Variants in EPHA3 observed in about 807,000 individuals in gnomAD.
EPHA3 encodes the protein EPH receptor A3, also known as ephrin type-A receptor 3.
A neutral mutation model predicts 107.1 loss-of-function variants in EPHA3; 42 were observed. The ratio of observed to expected loss-of-function variants is 0.39; its 90% CI spans 0.31 to 0.51. The LOEUF (loss-of-function observed/expected upper bound fraction) is 0.51, where lower values mean the gene tolerates loss of function less well. EPHA3 is among the 20% of genes least tolerant of loss of function. EPHA3 has a pLI of 0.78. For missense variants in EPHA3, 1,183 were observed against 1,211.2 expected (o/e 0.98, Z 0.35); for synonymous variants, 461 against 424.8 (o/e 1.09, Z -1.05).
chr3:89,453,006 A>G (rs1346611659), intron 15 of EPHA3, among the ~76,000 whole-genome samples: 3 of 152,132 alleles, frequency 2.0e-5, no homozygotes, highest in Non-Finnish European at 4.4e-5. Flanking sequence ...ATTTAGTAAT[A>G]AGTCCTTAAA....
intron 3 of EPHA3, among the ~76,000 whole-genome samples, chr3:89,312,901 TA>T (rs1352034454): frequency 6.6e-6 from 1 of 151,972 alleles, no homozygotes; most frequent in Non-Finnish European, 1.5e-5. Context: ...CATGTCCCTG[TA>T]AAGGACATAA....
At chr3:89,294,600 A>G (rs1039759212) in intron 3 of EPHA3, among the ~76,000 whole-genome samples, 3 of 152,156 alleles carry the variant, frequency 2.0e-5, no homozygotes, top group African/African-American at 7.2e-5. Flanking sequence ...TTCCTGTATA[A>G]TATTTAATCT....
At chr3:89,116,071 C>T (rs1707247051) in intron 1 of EPHA3, among the ~76,000 whole-genome samples, 1 of 152,052 alleles carries the variant, frequency 6.6e-6, no homozygotes, top group Non-Finnish European at 1.5e-5. Flanking sequence ...TGGGGGGGAC[C>T]CACTAAGAAA....
intron 3 of EPHA3, among the ~76,000 whole-genome samples, chr3:89,251,053 T>G (rs2107263053): frequency 6.6e-6 from 1 of 152,236 alleles, no homozygotes; most frequent in South Asian, 2.1e-4. Context: ...AAATAAAAGG[T>G]TTAGCCTTAG....
chr3:89,151,165 A>AAAATATCATAATTAGGTATATCTAATTAT (rs1387769308), intron 2 of EPHA3, among the ~76,000 whole-genome samples: 1 of 152,068 alleles, frequency 6.6e-6, no homozygotes, highest in African/African-American at 2.4e-5. Flanking sequence ...TAATTATCAT[A>AAAATATCATAATTAGGTATATCTAATTAT]CCTAAAATAT....
intron 3 of EPHA3, among the ~76,000 whole-genome samples, chr3:89,327,092 A>T (rs1261666626): frequency 6.6e-6 from 1 of 152,144 alleles, no homozygotes; most frequent in Non-Finnish European, 1.5e-5. Context: ...AAAGATGCCC[A>T]TGAAGTGCAC....
At chr3:89,175,850 G>A (rs1209434999) in intron 2 of EPHA3, among the ~76,000 whole-genome samples, 1 of 151,996 alleles carries the variant, frequency 6.6e-6, no homozygotes, top group Non-Finnish European at 1.5e-5. Flanking sequence ...GAGAGAGAAG[G>A]GCAAAAACAT....
chr3:89,241,339 G>A (rs556425545), intron 3 of EPHA3, among the ~76,000 whole-genome samples: 2 of 152,202 alleles, frequency 1.3e-5, no homozygotes, highest in South Asian at 4.2e-4. Context: ...TAAATATTAG[G>A]TATTTGAAAA....
chr3:89,259,026 C>T (rs1416462184), intron 3 of EPHA3, among the ~76,000 whole-genome samples: 2 of 152,076 alleles, frequency 1.3e-5, no homozygotes, highest in Admixed American at 6.5e-5. Flanking sequence ...TTCCATTTTT[C>T]TGGTCTTAAT....
chr3:89,358,478 C>G (rs1708014898), intron 5 of EPHA3, among the ~76,000 whole-genome samples: 1 of 151,100 alleles, frequency 6.6e-6, no homozygotes, highest in East Asian at 1.9e-4. Flanking sequence ...TATACTGGAT[C>G]TACTGGGATA....
intron 2 of EPHA3, among the ~76,000 whole-genome samples, chr3:89,196,624 C>G (rs1253195872): frequency 6.8e-6 from 1 of 148,124 alleles, no homozygotes; most frequent in Non-Finnish European, 1.5e-5. Flanking sequence ...ATCATTTCAC[C>G]TGCTCGGAAT....
intron 16 of EPHA3, among the ~76,000 whole-genome samples, chr3:89,474,354 A>G (rs1710465123): frequency 6.6e-6 from 1 of 152,056 alleles, no homozygotes; most frequent in Admixed American, 6.6e-5. Flanking sequence ...TTCTGACCCA[A>G]TCGACAGTAC....
Position 89,476,617 on chromosome 3 carries a change from A to T in EPHA3, c.2847-2780A>T, listed in dbSNP as rs112252173. 3.1e-3 allele frequency among the ~76,000 whole-genome samples: 455 copies of T among 145,468 alleles called. 2 individuals are homozygous for T. The highest frequency in any genetic ancestry group is 8.4e-3 in the African/African-American group (331 of 39,408). On this transcript the variant is annotated intron_variant, in intron 16 of 16. Transcript: ENST00000336596. ...TATTTATTTATTTATTTATTTATTT[A>T]ATTTTTTTGAGGCGGATTCTCGCTC...
At chr3:89,194,323 G>A (rs934687366) in intron 2 of EPHA3, among the ~76,000 whole-genome samples, 43 of 151,916 alleles carry the variant, frequency 2.8e-4, no homozygotes, top group Middle Eastern at 3.2e-3. Context: ...GGCAAATCTC[G>A]TATTAAGTAT....
chr3:89,350,971 G>A (rs183545289), intron 5 of EPHA3, among the ~76,000 whole-genome samples: 5,703 of 151,428 alleles, frequency 0.038, 413 homozygotes, highest in African/African-American at 0.13. Context: ...GCAGTCTGCC[G>A]GTTCTCAGAT....
At chr3:89,450,885 A>G (rs1426429009) in intron 15 of EPHA3, among the ~76,000 whole-genome samples, 1 of 152,158 alleles carries the variant, frequency 6.6e-6, no homozygotes, top group African/African-American at 2.4e-5. Context: ...CAGCCTGGTC[A>G]ACAGAGCGAG....
intron 3 of EPHA3, among the ~76,000 whole-genome samples, chr3:89,222,968 C>T (rs1459722281): frequency 6.6e-6 from 1 of 152,112 alleles, no homozygotes; most frequent in African/African-American, 2.4e-5. Context: ...TTATAGATTA[C>T]AAACTTTTGT....
intron 3 of EPHA3, among the ~76,000 whole-genome samples, chr3:89,236,926 A>G (rs1704778782): frequency 1.3e-5 from 2 of 152,230 alleles, no homozygotes; most frequent in Non-Finnish European, 2.9e-5. Context: ...TGTAGTTGTT[A>G]TCAAGTGTAC....
intron 12 of EPHA3, among the ~76,000 whole-genome samples, chr3:89,429,507 TCAGTCTGATATAATTATTTAATCA>T (rs1709521482): frequency 6.6e-6 from 1 of 152,142 alleles, no homozygotes; most frequent in Non-Finnish European, 1.5e-5. Flanking sequence ...TTAAGTAATC[TCAGTCTGATATAATTATTTAATCA>T]CAGTCTGATA....
Sources: gnomAD v4.1 joint callset for allele counts (sites outside exome capture counted in the v4.1 genomes callset) on GRCh38, gnomAD v4.1.1 for gene constraint, MANE v1.5 for transcripts, NCBI Gene and HGNC (gene_info 2026-07-23, HGNC 2026-07-21) for gene names.